Variants in TNRC6A observed in about 807,000 individuals in gnomAD.
The protein encoded by TNRC6A is trinucleotide repeat containing adaptor 6A.
In TNRC6A, 44 loss-of-function variants were observed where a neutral mutation model predicts 221.2. The observed-to-expected ratio is 0.20, with a 90% CI of 0.16 to 0.26. The LOEUF (loss-of-function observed/expected upper bound fraction) is 0.26. TNRC6A is among the 10% of genes least tolerant of loss of function. The pLI, the probability that TNRC6A is intolerant of heterozygous loss-of-function variation, is 1.00. For missense variants in TNRC6A, 2,199 were observed against 2,404.4 expected, an observed-to-expected ratio of 0.91 and a Z score of 1.79; for synonymous variants, 847 against 838.5, an observed-to-expected ratio of 1.01 and a Z score of -0.18.
intron 18 of TNRC6A, among the ~76,000 whole-genome samples, chr16:24,810,731 G>A (rs2152032716): frequency 6.6e-6 from 1 of 152,266 alleles, no homozygotes; most frequent in Admixed American, 6.5e-5. Flanking sequence ...AGTAGGTGTG[G>A]TGCAAATCAT....
chr16:24,800,438 A>G (rs1267392874), intron 11 of TNRC6A, among the ~76,000 whole-genome samples: 3 of 152,192 alleles, frequency 2.0e-5, no homozygotes, highest in Non-Finnish European at 4.4e-5. Context: ...GGGCATGAAC[A>G]CAGTCCTGTA....
rs115167287 is a variant in TNRC6A at position 24,694,686 on chromosome 16, A to C, written n.402+53677A>C. On this transcript the variant is annotated intron_variant and non_coding_transcript_variant, in intron 2 of 2. Coordinates refer to the TNRC6A transcript ENST00000566108. ...AAAAAAAAAAAAAAAAAGACTAGTG[A>C]GCCAAGGGAAGCCCAGTCAGGAGGA... Among the ~76,000 whole-genome samples, 1,028 of 141,610 alleles carry C rather than the reference A, an allele frequency of 7.3e-3. 12 individuals are homozygous for C. The highest frequency in any genetic ancestry group is 0.025 in the African/African-American group (970 of 38,480). 92.9% of individuals were successfully genotyped at this position (141,610 alleles called of 152,430 possible).
chr16:24,746,916 C>T (rs1319917761), intron 2 of TNRC6A, among the ~76,000 whole-genome samples: 1 of 152,148 alleles, frequency 6.6e-6, no homozygotes, highest in Non-Finnish European at 1.5e-5. Context: ...ACTATGTTGC[C>T]CATTCTGTTC....
intron 2 of TNRC6A, among the ~76,000 whole-genome samples, chr16:24,730,551 T>A (rs1450410104): frequency 3.3e-5 from 5 of 151,790 alleles, no homozygotes; most frequent in African/African-American, 1.2e-4. Flanking sequence ...TAAAGCATTC[T>A]CACCCTTTTA....
At chr16:24,801,890 A>G (rs1327985047) in intron 11 of TNRC6A, among the ~76,000 whole-genome samples, 2 of 152,216 alleles carry the variant, frequency 1.3e-5, no homozygotes, top group Non-Finnish European at 2.9e-5. Flanking sequence ...GGATTAGATG[A>G]AGAGAGTGGG....
chr16:24,682,312 A>C (rs529160184), intron 2 of TNRC6A, among the ~76,000 whole-genome samples: 1 of 151,808 alleles, frequency 6.6e-6, no homozygotes, highest in South Asian at 2.1e-4. Flanking sequence ...CCGCAGCCTC[A>C]ACCTCTCAAG....
At chr16:24,635,252 T>A (rs577787174) in intron 1 of TNRC6A, among the ~76,000 whole-genome samples, 1 of 151,832 alleles carries the variant, frequency 6.6e-6, no homozygotes, top group South Asian at 2.1e-4. Context: ...TTACTTCTTA[T>A]TCATAAGATT....
intron 2 of TNRC6A, among the ~76,000 whole-genome samples, chr16:24,687,959 T>TTTTCTTTTC (rs1567357473): frequency 1.1e-3 from 100 of 87,986 alleles, no homozygotes; most frequent in South Asian, 4.4e-3. Flanking sequence ...CTTTTCTTTT[T>TTTTCTTTTC]TTTTTTTTTG....
At chr16:24,733,556 A>G (rs915994092) in intron 2 of TNRC6A, among the ~76,000 whole-genome samples, 6 of 152,232 alleles carry the variant, frequency 3.9e-5, no homozygotes, top group African/African-American at 1.4e-4. Flanking sequence ...TGAAAGGCAG[A>G]TAAAAGGGCA....
chr16:24,812,869 C>T (rs773318778), intron 18 of TNRC6A, among the ~76,000 whole-genome samples: 1 of 144,548 alleles, frequency 6.9e-6, no homozygotes. Flanking sequence ...TTAATAGTAC[C>T]TCTTGGGCTT....
intron 11 of TNRC6A, among the ~76,000 whole-genome samples, chr16:24,798,743 A>C (rs939670021): frequency 1.3e-5 from 2 of 152,308 alleles, no homozygotes; most frequent in Middle Eastern, 3.4e-3. Flanking sequence ...AGAGAGTGTG[A>C]TGGAAACTTA....
At chr16:24,718,649 T>G (rs1008521736) in intron 2 of TNRC6A, among the ~76,000 whole-genome samples, 1 of 152,310 alleles carries the variant, frequency 6.6e-6, no homozygotes, top group Non-Finnish European at 1.5e-5. Flanking sequence ...TTCTATAGAA[T>G]GTAGCCATTC....
At chr16:24,614,939 C>T (rs545239383) in intron 1 of TNRC6A, among the ~76,000 whole-genome samples, 1 of 152,130 alleles carries the variant, frequency 6.6e-6, no homozygotes, top group South Asian at 2.1e-4. Flanking sequence ...GCATGGTGAC[C>T]GGCACCTGTC....
chr16:24,730,323 C>T (rs746164766), intron 2 of TNRC6A, 23 bp downstream of exon 2: 24 of 1,602,732 alleles, frequency 1.5e-5, no homozygotes, highest in East Asian at 2.3e-5. Context: ...AGCTTTCCGT[C>T]TCCCGCCCCA....
At chr16:24,721,129 G>A (rs2056403836) in intron 2 of TNRC6A, among the ~76,000 whole-genome samples, 2 of 152,166 alleles carry the variant, frequency 1.3e-5, no homozygotes, top group Non-Finnish European at 2.9e-5. Flanking sequence ...CTGAGGAGAG[G>A]CAGCAACTAG....
In TNRC6A at chr16:24,816,965, G is replaced by T. The variant is rs902844711; in HGVS notation, c.4972+9G>T. The T allele has an allele frequency of 6.2e-7, 1 of 1,608,754 alleles. No individual in the cohort carries two copies. Among genetic ancestry groups the T allele is most frequent in the South Asian group, 1.1e-5 (1 of 89,908 alleles). ...CAGGGACAGGAACAGTGGTACGTAG[G>T]GGGTGCAAATCAATTTCTGAGTGAC... On this transcript the variant is annotated intron_variant, in intron 20 of 24. Coordinates refer to ENST00000395799, the MANE Select transcript of TNRC6A (RefSeq NM_014494.4).
At chr16:24,649,898 A>C (rs1414048027) in intron 2 of TNRC6A, among the ~76,000 whole-genome samples, 1 of 131,616 alleles carries the variant, frequency 7.6e-6, no homozygotes, top group Non-Finnish European at 1.5e-5. Flanking sequence ...ATTTTGGTTC[A>C]CTGCAAACTT....
intron 1 of TNRC6A, among the ~76,000 whole-genome samples, chr16:24,612,696 A>T (rs994345017): frequency 6.6e-6 from 1 of 152,040 alleles, no homozygotes; most frequent in Admixed American, 6.6e-5. Context: ...GCAGTGAGCC[A>T]TGATTGCGCC....
chr16:24,618,047 G>A (rs970331915), intron 1 of TNRC6A, among the ~76,000 whole-genome samples: 3 of 152,042 alleles, frequency 2.0e-5, no homozygotes, highest in South Asian at 2.1e-4. Context: ...ACAGGCGTGC[G>A]GCACCACACC....
Sources: allele counts gnomAD v4.1 joint callset (sites outside exome capture counted in the v4.1 genomes callset), GRCh38; gene constraint gnomAD v4.1.1; transcripts MANE v1.5; gene names NCBI Gene and HGNC (gene_info 2026-07-23, HGNC 2026-07-21).